Variants in RPS6KC1 observed in about 807,000 individuals in gnomAD.
RPS6KC1 encodes inactive ribosomal protein S6 kinase delta-1.
RPS6KC1 carries 54 observed loss-of-function variants against 103.8 expected under a neutral mutation model. The observed-to-expected ratio is 0.52, with a 90% CI of 0.42 to 0.65. RPS6KC1 has a LOEUF of 0.65. Among genes scored for constraint, RPS6KC1 ranks in the 30% least tolerant of loss-of-function variants. The pLI is 0.00. For missense variants in RPS6KC1, 1,151 were observed against 1,253.8 expected (o/e 0.92, Z 1.24); for synonymous variants, 439 against 438.7 (o/e 1.00, Z -0.01).
intron 6 of RPS6KC1, among the ~76,000 whole-genome samples, chr1:213,160,957 C>T (rs559429872): frequency 2.6e-5 from 4 of 151,936 alleles, no homozygotes; most frequent in Admixed American, 2.6e-4. Context: ...TGTAACAGAT[C>T]TGCACATTGT....
At chr1:213,257,351 G>T (rs1044688360) in intron 12 of RPS6KC1, among the ~76,000 whole-genome samples, 2 of 152,182 alleles carry the variant, frequency 1.3e-5, no homozygotes, top group African/African-American at 4.8e-5. Context: ...CCTCTGCTCA[G>T]TTTTAACGAG....
intron 6 of RPS6KC1, among the ~76,000 whole-genome samples, chr1:213,140,900 T>C (rs1031015877): frequency 6.6e-6 from 1 of 151,618 alleles, no homozygotes; most frequent in Non-Finnish European, 1.5e-5. Context: ...CCTCATTTTT[T>C]TTTTCTTTTT....
the RPS6KC1 span, chr1:213,817,716 T>C: frequency 6.6e-6 from 1 of 152,240 alleles, no homozygotes; most frequent in Non-Finnish European, 1.5e-5. Flanking sequence ...TATTTCCTCT[T>C]CTATAAAATG....
At chr1:213,239,271 G>A (rs2094297050) in intron 10 of RPS6KC1, among the ~76,000 whole-genome samples, 1 of 152,036 alleles carries the variant, frequency 6.6e-6, no homozygotes, top group East Asian at 1.9e-4. Context: ...CGAGGAGGTG[G>A]AGGCTTCAGT....
the RPS6KC1 span, among the ~76,000 whole-genome samples, chr1:213,609,066 A>T: frequency 6.6e-6 from 1 of 152,344 alleles, no homozygotes; most frequent in South Asian, 2.1e-4. Flanking sequence ...CAGAGAAAAA[A>T]TTGAAATGGA....
At chr1:213,846,292 T>C in the RPS6KC1 span, among the ~76,000 whole-genome samples, 1 of 151,152 alleles carries the variant, frequency 6.6e-6, no homozygotes, top group South Asian at 2.1e-4. Context: ...AGAGCGAGAC[T>C]CCATCTCAAA....
chr1:213,753,608 G>A, the RPS6KC1 span, among the ~76,000 whole-genome samples: 1 of 152,120 alleles, frequency 6.6e-6, no homozygotes, highest in Non-Finnish European at 1.5e-5. Context: ...CACATCTGCA[G>A]TATCTCCTTA....
At chr1:213,400,767 C>T in the RPS6KC1 span, among the ~76,000 whole-genome samples, 6 of 151,106 alleles carry the variant, frequency 4.0e-5, no homozygotes, top group East Asian at 1.9e-4. Flanking sequence ...AGTGCAGTGG[C>T]GCGATCTCGG....
At chr1:213,384,144 C>T in the RPS6KC1 span, among the ~76,000 whole-genome samples, 3 of 151,794 alleles carry the variant, frequency 2.0e-5, no homozygotes, top group African/African-American at 7.3e-5. Context: ...GGTGTGGTGG[C>T]GGGTGCCTGT....
chr1:213,606,052 C>T, the RPS6KC1 span, among the ~76,000 whole-genome samples: 2 of 152,170 alleles, frequency 1.3e-5, no homozygotes, highest in Non-Finnish European at 1.5e-5. Flanking sequence ...ACGGTGGCAG[C>T]GCCCCTTCTG....
At chr1:213,250,217 C>T (rs1325513505) in intron 12 of RPS6KC1, among the ~76,000 whole-genome samples, 2 of 152,182 alleles carry the variant, frequency 1.3e-5, no homozygotes, top group African/African-American at 4.8e-5. Flanking sequence ...CACCACATAT[C>T]CCCTGTCACC....
At chr1:213,693,128 C>A in the RPS6KC1 span, among the ~76,000 whole-genome samples, 1 of 152,308 alleles carries the variant, frequency 6.6e-6, no homozygotes, top group Non-Finnish European at 1.5e-5. Flanking sequence ...GGTCTCTAGC[C>A]TCCCTTCCCT....
At chr1:213,600,077 C>T in the RPS6KC1 span, among the ~76,000 whole-genome samples, 3 of 152,210 alleles carry the variant, frequency 2.0e-5, no homozygotes, top group South Asian at 2.1e-4. Context: ...GTTTTATAAG[C>T]GTCTGGCATT....
the RPS6KC1 span, among the ~76,000 whole-genome samples, chr1:213,375,581 G>T: frequency 2.0e-5 from 3 of 152,166 alleles, no homozygotes; most frequent in African/African-American, 4.8e-5. Flanking sequence ...GTAGGAGATT[G>T]TATAAGTAAT....
At chr1:213,606,054 C>A in the RPS6KC1 span, among the ~76,000 whole-genome samples, 1 of 152,192 alleles carries the variant, frequency 6.6e-6, no homozygotes, top group African/African-American at 2.4e-5. Context: ...GGTGGCAGCG[C>A]CCCTTCTGAG....
chr1:213,538,654 G>A, the RPS6KC1 span, among the ~76,000 whole-genome samples: 1 of 152,190 alleles, frequency 6.6e-6, no homozygotes, highest in African/African-American at 2.4e-5. Context: ...GAGGGTGCAG[G>A]TAGGAATGAG....
chr1:213,409,826 A>G, the RPS6KC1 span, among the ~76,000 whole-genome samples: 6 of 152,318 alleles, frequency 3.9e-5, no homozygotes, highest in East Asian at 9.7e-4. Context: ...TTATAAGCCA[A>G]CAGGGAAAGA....
At chr1:213,284,918 T>C in the RPS6KC1 span, among the ~76,000 whole-genome samples, 20 of 152,246 alleles carry the variant, frequency 1.3e-4, no homozygotes, top group African/African-American at 4.8e-4. Context: ...AAAAGAACAT[T>C]TAAAATACTC....
chr1:213,178,983 G>A (rs182487794), intron 8 of RPS6KC1, among the ~76,000 whole-genome samples: 24 of 152,180 alleles, frequency 1.6e-4, no homozygotes, highest in Non-Finnish European at 2.8e-4. Flanking sequence ...GCCTCTGAAA[G>A]TGCTGGGATT....
Sources: gnomAD v4.1 joint callset for allele counts (sites outside exome capture counted in the v4.1 genomes callset) on GRCh38, gnomAD v4.1.1 for gene constraint, MANE v1.5 for transcripts, NCBI Gene and HGNC (gene_info 2026-07-23, HGNC 2026-07-21) for gene names.